Variants in GALNTL6 observed in about 807,000 individuals in gnomAD.
GALNTL6 encodes polypeptide N-acetylgalactosaminyltransferase like 6.
A neutral mutation model predicts 73.7 loss-of-function variants in GALNTL6; 46 were observed. That is an observed-to-expected ratio of 0.62 (90% CI 0.49 to 0.80). The LOEUF (loss-of-function observed/expected upper bound fraction) is 0.80, where lower values mean the gene tolerates loss of function less well. Among genes scored for constraint, GALNTL6 ranks in the 30% least tolerant of loss-of-function variants. GALNTL6 has a pLI of 0.00. For synonymous variants in GALNTL6, 259 were observed against 263.7 expected, an observed-to-expected ratio of 0.98 and a Z score of 0.17; for missense variants, 604 against 755.0, an observed-to-expected ratio of 0.80 and a Z score of 2.34.
At chr4:173,035,925 A>G (rs1202804718) in intron 12 of GALNTL6, among the ~76,000 whole-genome samples, 2 of 152,196 alleles carry the variant, frequency 1.3e-5, no homozygotes, top group Non-Finnish European at 2.9e-5. Flanking sequence ...GACTGAAAAC[A>G]AAGTAGTGGA....
At chr4:172,142,702 C>A (rs757370809) in intron 2 of GALNTL6, among the ~76,000 whole-genome samples, 1 of 151,716 alleles carries the variant, frequency 6.6e-6, no homozygotes, top group South Asian at 2.1e-4. Context: ...AAAAGTAATT[C>A]TGCCTGTCTT....
intron 5 of GALNTL6, among the ~76,000 whole-genome samples, chr4:172,530,261 A>C (rs576644467): frequency 6.6e-6 from 1 of 152,292 alleles, no homozygotes; most frequent in African/African-American, 2.4e-5. Flanking sequence ...TCCTTAAATT[A>C]ATTTTTAAAC....
At chr4:172,142,915 T>C (rs1262946203) in intron 2 of GALNTL6, among the ~76,000 whole-genome samples, 2 of 152,086 alleles carry the variant, frequency 1.3e-5, no homozygotes, top group Non-Finnish European at 2.9e-5. Flanking sequence ...TGCCCTATTC[T>C]ACATTTTTAG....
At chr4:172,202,815 T>C (rs890070703) in intron 2 of GALNTL6, among the ~76,000 whole-genome samples, 3 of 152,230 alleles carry the variant, frequency 2.0e-5, no homozygotes, top group Admixed American at 1.3e-4. Context: ...GAGTTATATA[T>C]TGTAAACACA....
chr4:172,194,796 G>A (rs1735699791), intron 2 of GALNTL6, among the ~76,000 whole-genome samples: 1 of 152,110 alleles, frequency 6.6e-6, no homozygotes, highest in African/African-American at 2.4e-5. Context: ...CCTGAAGGAA[G>A]CACTGAATAT....
chr4:172,263,566 T>G (rs1271301616), intron 3 of GALNTL6, among the ~76,000 whole-genome samples: 1 of 151,384 alleles, frequency 6.6e-6, no homozygotes, highest in Non-Finnish European at 1.5e-5. Context: ...TTATGATATC[T>G]CCTTGAGTAG....
At chr4:172,031,224 T>C (rs764329642) in intron 2 of GALNTL6, among the ~76,000 whole-genome samples, 30 of 148,826 alleles carry the variant, frequency 2.0e-4, no homozygotes, top group Non-Finnish European at 3.7e-4. Context: ...CACAGGTAGT[T>C]CCCTGTACCT....
chr4:172,986,617 C>A (rs566773072), intron 10 of GALNTL6, among the ~76,000 whole-genome samples: 8 of 152,120 alleles, frequency 5.3e-5, no homozygotes, highest in Non-Finnish European at 1.2e-4. Flanking sequence ...GAGAATAGAT[C>A]AGTTGAGTTA....
intron 5 of GALNTL6, among the ~76,000 whole-genome samples, chr4:172,392,052 G>A (rs536180508): frequency 2.0e-5 from 3 of 152,082 alleles, no homozygotes; most frequent in African/African-American, 7.2e-5. Flanking sequence ...GCAGTGGCAC[G>A]ATCTCGGCTC....
intron 2 of GALNTL6, among the ~76,000 whole-genome samples, chr4:171,824,543 G>A (rs1192407151): frequency 1.3e-5 from 2 of 152,004 alleles, no homozygotes; most frequent in African/African-American, 4.8e-5. Flanking sequence ...AATTTAAAAT[G>A]TTATCTATTA....
chr4:172,654,775 C>A (rs868024519), intron 5 of GALNTL6, among the ~76,000 whole-genome samples: 3 of 152,196 alleles, frequency 2.0e-5, no homozygotes, highest in Non-Finnish European at 4.4e-5. Flanking sequence ...AAAAGAAAAA[C>A]CACAACATTT....
chr4:172,893,342 T>TGGGGGGGGG (rs1188538488), intron 8 of GALNTL6, among the ~76,000 whole-genome samples: 1 of 129,692 alleles, frequency 7.7e-6, no homozygotes, highest in African/African-American at 3.3e-5. Flanking sequence ...GTTCTGAGAG[T>TGGGGGGGGG]GGCGGGGGGG....
intron 2 of GALNTL6, among the ~76,000 whole-genome samples, chr4:171,922,855 CAT>C (rs1394229771): frequency 6.6e-6 from 1 of 152,134 alleles, no homozygotes; most frequent in East Asian, 1.9e-4. Flanking sequence ...TAATAAATAA[CAT>C]ATTATGCTTT....
chr4:172,487,922 A>G (rs2110736875), intron 5 of GALNTL6, among the ~76,000 whole-genome samples: 1 of 152,344 alleles, frequency 6.6e-6, no homozygotes, highest in East Asian at 1.9e-4. Flanking sequence ...AATTATTTTT[A>G]AAATGCAGCA....
At chr4:172,107,974 G>A (rs980591403) in intron 2 of GALNTL6, among the ~76,000 whole-genome samples, 7 of 152,058 alleles carry the variant, frequency 4.6e-5, no homozygotes, top group African/African-American at 1.2e-4. Flanking sequence ...AAGAAAAGTA[G>A]GTTTTTAGTC....
chr4:172,802,564 G>A (rs1740709497), intron 5 of GALNTL6, among the ~76,000 whole-genome samples: 1 of 152,132 alleles, frequency 6.6e-6, no homozygotes, highest in Admixed American at 6.5e-5. Context: ...GGGAGGCCAA[G>A]GTGAGTGTAT....
intron 5 of GALNTL6, among the ~76,000 whole-genome samples, chr4:172,524,594 T>C (rs1019514578): frequency 3.3e-5 from 5 of 152,198 alleles, no homozygotes; most frequent in Admixed American, 6.5e-5. Context: ...TTATAACTAG[T>C]GCTGCTAGGA....
At chr4:172,524,325 C>T (rs529510455) in intron 5 of GALNTL6, among the ~76,000 whole-genome samples, 13 of 151,786 alleles carry the variant, frequency 8.6e-5, no homozygotes, top group South Asian at 2.1e-4. Flanking sequence ...CTTGGCTCAC[C>T]GCAACCTCCG....
rs146514529 is a variant in GALNTL6 at position 172,584,205 on chromosome 4, T to A, written c.554-225156T>A. Among the ~76,000 whole-genome samples the A allele has an allele frequency of 1.2e-4, 19 of 152,064 alleles. 1 individual carries two copies. In the East Asian group the frequency reaches 3.7e-3, roughly 30 times the overall value. The stretch of plus-strand genomic sequence containing the variant: ...GCACAACCAAGACATTTCAGCTTGT[T>A]TAGGGGATTAGAAAAGACTTCCCAA... On this transcript the variant is annotated intron_variant, in intron 5 of 12. Coordinates refer to ENST00000506823, the MANE Select transcript of GALNTL6 (RefSeq NM_001034845.3).
Sources: allele counts gnomAD v4.1 joint callset (sites outside exome capture counted in the v4.1 genomes callset), GRCh38; gene constraint gnomAD v4.1.1; transcripts MANE v1.5; gene names NCBI Gene and HGNC (gene_info 2026-07-23, HGNC 2026-07-21).